TENM1: variants seen among roughly 807,000 people sequenced by gnomAD.
The protein encoded by TENM1 is teneurin-1.
TENM1 carries 35 observed loss-of-function variants against 174.8 expected under a neutral mutation model. That is an observed-to-expected ratio of 0.20 (90% CI 0.15 to 0.27). TENM1 has a LOEUF of 0.27. Among genes scored for constraint, TENM1 ranks in the 10% least tolerant of loss-of-function variants. The pLI, the probability that TENM1 is intolerant of heterozygous loss-of-function variation, is 1.00. For missense variants in TENM1, 1,633 were observed against 2,130.1 expected (o/e 0.77, Z 4.59); for synonymous variants, 781 against 798.7 (o/e 0.98, Z 0.37).
chrX:125,126,824 G>A, the TENM1 span, among the ~76,000 whole-genome samples: 1 of 110,959 alleles, frequency 9.0e-6, no homozygotes, highest in Non-Finnish European at 1.9e-5. Context: ...CTAGGAAGCA[G>A]TGCATCTGGA....
In TENM1 at chrX:124,523,960, C is replaced by T. The variant is rs144389920; in HGVS notation, c.2772-335G>A. On this transcript the variant is annotated intron_variant, in intron 16 of 31. Transcript: ENST00000422452. ...TGTGATCTCGGCTCACTGCAACCTC[C>T]GCCTCCTGGGTTCAAGCGATTCTCC... is the stretch of plus-strand genomic sequence containing the variant. Among the ~76,000 whole-genome samples the T allele has an allele frequency of 6.8e-4, 71 of 104,667 alleles. 1 individual carries two copies. In the East Asian group the frequency reaches 0.019, roughly 28 times the overall value. 90.9% of individuals were successfully genotyped at this position (104,667 alleles called of 115,157 possible). A position where few individuals can be genotyped will look rare whatever the true frequency, so the allele number is the denominator to read the frequency against.
At chrX:124,442,859 C>T (rs755612754) in intron 23 of TENM1, among the ~76,000 whole-genome samples, 1 of 110,253 alleles carries the variant, frequency 9.1e-6, no homozygotes, top group South Asian at 4.0e-4. Flanking sequence ...ACGGGGGTTT[C>T]GTCCTGTTGC....
chrX:124,803,009 T>G (rs1272925815), intron 3 of TENM1, among the ~76,000 whole-genome samples: 5 of 111,906 alleles, frequency 4.5e-5, no homozygotes, highest in African/African-American at 1.6e-4. Context: ...AAAAATACAT[T>G]AACAGTTTTT....
intron 25 of TENM1, among the ~76,000 whole-genome samples, chrX:124,409,576 G>T (rs1192805177): frequency 9.0e-6 from 1 of 111,040 alleles, no homozygotes; most frequent in Admixed American, 9.5e-5. Flanking sequence ...AAAAGAGGAA[G>T]TCAAATTGTC....
At chrX:124,663,450 C>A (rs145990999) in intron 6 of TENM1, among the ~76,000 whole-genome samples, 301 of 112,125 alleles carry the variant, frequency 2.7e-3, no homozygotes, top group African/African-American at 9.3e-3. Context: ...ACAAAAAAGG[C>A]TAGTAAATGT....
chrX:125,059,631 ACT>A, the TENM1 span, among the ~76,000 whole-genome samples: 1 of 109,741 alleles, frequency 9.1e-6, no homozygotes, highest in Admixed American at 9.7e-5. Context: ...TCTGCTAACC[ACT>A]GTTTTTTCTC....
chrX:124,919,426 T>C (rs929034133), intron 1 of TENM1, among the ~76,000 whole-genome samples: 3 of 112,334 alleles, frequency 2.7e-5, no homozygotes, highest in Non-Finnish European at 3.8e-5. Context: ...TAATGTAACA[T>C]TGAGCACAAA....
chrX:125,133,089 G>A, the TENM1 span, among the ~76,000 whole-genome samples: 2 of 110,858 alleles, frequency 1.8e-5, no homozygotes, highest in African/African-American at 6.6e-5. Context: ...CGCCTCCCGG[G>A]TTCACACCAT....
At chrX:124,426,873 G>A (rs894911802) in intron 23 of TENM1, among the ~76,000 whole-genome samples, 10 of 112,017 alleles carry the variant, frequency 8.9e-5, no homozygotes, top group East Asian at 5.6e-4. Context: ...TCCTCAGCAC[G>A]TCTGTCTGAG....
At chrX:125,059,879 AT>A in the TENM1 span, among the ~76,000 whole-genome samples, 2 of 110,776 alleles carry the variant, frequency 1.8e-5, no homozygotes, top group Non-Finnish European at 1.9e-5. Flanking sequence ...AAAGAAACAT[AT>A]TACTGTGAAG....
chrX:124,394,664 C>G (rs2060314997), intron 27 of TENM1, among the ~76,000 whole-genome samples: 1 of 112,383 alleles, frequency 8.9e-6, no homozygotes, highest in African/African-American at 3.2e-5. Context: ...ATCCAACCAT[C>G]CAATGAAAAT....
chrX:125,169,005 T>TGC, the TENM1 span, among the ~76,000 whole-genome samples: 15 of 110,802 alleles, frequency 1.4e-4, no homozygotes, highest in African/African-American at 4.9e-4. Context: ...TGTGTGTGTG[T>TGC]GCGCACGCAG....
chrX:124,713,541 T>C (rs1372069308), intron 4 of TENM1, among the ~76,000 whole-genome samples: 21 of 112,432 alleles, frequency 1.9e-4, no homozygotes, highest in Non-Finnish European at 3.4e-4. Context: ...GTGCTGGGAT[T>C]ACAGGCGTGA....
the TENM1 span, among the ~76,000 whole-genome samples, chrX:125,057,384 G>A: frequency 1.2e-3 from 67 of 57,093 alleles, 2 homozygotes; most frequent in East Asian, 0.024. Flanking sequence ...ACACATTACT[G>A]TATGTATTAC....
chrX:124,396,301 A>G (rs1410614365), intron 27 of TENM1, among the ~76,000 whole-genome samples: 1 of 49,295 alleles, frequency 2.0e-5, no homozygotes, highest in East Asian at 5.0e-4. Flanking sequence ...AGCCTCTCCC[A>G]ACCTTTTTTT....
At chrX:124,667,589 CAAA>C (rs200614775) in intron 6 of TENM1, among the ~76,000 whole-genome samples, 2 of 52,637 alleles carry the variant, frequency 3.8e-5, no homozygotes, top group Admixed American at 2.3e-4. Flanking sequence ...GACTCCATCT[CAAA>C]AAAAAAAAAA....
At chrX:124,997,057 T>A in the TENM1 span, among the ~76,000 whole-genome samples, 3 of 111,410 alleles carry the variant, frequency 2.7e-5, no homozygotes, top group African/African-American at 9.8e-5. Context: ...GAAGGAAGAA[T>A]ATAACTGATT....
chrX:124,830,890 A>G (rs1448707382), intron 3 of TENM1, among the ~76,000 whole-genome samples: 1 of 111,691 alleles, frequency 9.0e-6, no homozygotes, highest in Admixed American at 9.5e-5. Flanking sequence ...AGCATCACAT[A>G]TATGTCATAA....
the TENM1 span, among the ~76,000 whole-genome samples, chrX:125,044,540 C>T: frequency 5.4e-5 from 6 of 110,815 alleles, no homozygotes; most frequent in Non-Finnish European, 1.1e-4. Flanking sequence ...CAATGAGCTA[C>T]GATCACATCA....
Sources: gnomAD v4.1 joint callset for allele counts (sites outside exome capture counted in the v4.1 genomes callset) on GRCh38, gnomAD v4.1.1 for gene constraint, MANE v1.5 for transcripts, NCBI Gene and HGNC (gene_info 2026-07-23, HGNC 2026-07-21) for gene names.